Variants in TENM2 observed in about 807,000 individuals in gnomAD.
The protein encoded by TENM2 is teneurin-2.
A neutral mutation model predicts 245.2 loss-of-function variants in TENM2; 52 were observed. The ratio of observed to expected loss-of-function variants is 0.21; its 90% CI spans 0.17 to 0.27. TENM2 has a LOEUF of 0.27. TENM2 is among the 10% of genes least tolerant of loss of function. The pLI is 1.00. For missense variants in TENM2, 3,046 were observed against 3,666.8 expected (o/e 0.83, Z 4.37); for synonymous variants, 1,363 against 1,438.9 (o/e 0.95, Z 1.19).
intron 9 of TENM2, among the ~76,000 whole-genome samples, chr5:168,108,329 T>C (rs1480772170): frequency 6.6e-6 from 1 of 152,244 alleles, no homozygotes; most frequent in Non-Finnish European, 1.5e-5. Context: ...GCTGTAGAGT[T>C]TGAATTTGCT....
At chr5:167,479,100 A>G (rs558717381) in intron 2 of TENM2, among the ~76,000 whole-genome samples, 27 of 152,284 alleles carry the variant, frequency 1.8e-4, no homozygotes, top group African/African-American at 6.0e-4. Flanking sequence ...ATAAGCAGAA[A>G]CAAACTTTGT....
intron 1 of TENM2, among the ~76,000 whole-genome samples, chr5:167,361,873 A>T (rs1177224018): frequency 1.3e-5 from 2 of 152,212 alleles, no homozygotes; most frequent in African/African-American, 4.8e-5. Flanking sequence ...ATTTTAGTGG[A>T]GAATTAGTCT....
intron 2 of TENM2, among the ~76,000 whole-genome samples, chr5:167,384,954 G>A (rs572387121): frequency 3.1e-4 from 47 of 152,296 alleles, no homozygotes; most frequent in African/African-American, 1.1e-3. Context: ...GAAAATGGGA[G>A]GAGGTACATA....
intron 3 of TENM2, among the ~76,000 whole-genome samples, chr5:167,937,173 A>G (rs946857184): frequency 1.3e-5 from 2 of 152,208 alleles, no homozygotes; most frequent in African/African-American, 4.8e-5. Context: ...CAACAATACA[A>G]TACTTTGTTA....
intron 2 of TENM2, among the ~76,000 whole-genome samples, chr5:167,541,084 T>C (rs1772179058): frequency 6.6e-6 from 1 of 152,200 alleles, no homozygotes; most frequent in South Asian, 2.1e-4. Context: ...TAAACTAAAA[T>C]GATCTCACTA....
intron 2 of TENM2, among the ~76,000 whole-genome samples, chr5:167,468,191 C>T (rs1031836036): frequency 3.9e-5 from 6 of 152,204 alleles, no homozygotes; most frequent in African/African-American, 1.4e-4. Flanking sequence ...CCTTCCTCGA[C>T]CTCCCAGAGT....
intron 2 of TENM2, among the ~76,000 whole-genome samples, chr5:167,723,456 C>G (rs1759775436): frequency 6.6e-6 from 1 of 152,174 alleles, no homozygotes. Flanking sequence ...TCAGCAAAAC[C>G]GCCAGAGGGC....
chr5:167,407,392 C>A (rs13355678), intron 2 of TENM2, among the ~76,000 whole-genome samples: 99,826 of 152,060 alleles, frequency 0.66, 33,468 homozygotes, highest in Admixed American at 0.73. Context: ...GGTTGTTGCT[C>A]TCTTGGAATT....
Position 168,244,476 on chromosome 5 carries a change from G to A in TENM2, c.5577G>A (p.Lys1859=). Residue 1859 remains lysine (K), a synonymous_variant, in exon 26 of 29, where the codon AAG becomes AAA. Coordinates refer to ENST00000518659, the Ensembl canonical transcript of TENM2. The surrounding 1 kb of genome is among the most constrained non-coding windows in gnomAD (Gnocchi z 4.9). ...ATGATCGAAATATTCGGACTGAAAA[G>A]ATCTATGATGACCACCGGAAGTTCA... 1 of 1,601,784 alleles carries A rather than the reference G, an allele frequency of 6.2e-7. No homozygotes were observed. Among genetic ancestry groups the A allele is most frequent in the East Asian group, 2.3e-5 (1 of 44,428 alleles).
chr5:166,979,418 C>T, the TENM2 span, among the ~76,000 whole-genome samples: 1 of 152,018 alleles, frequency 6.6e-6, no homozygotes, highest in Non-Finnish European at 1.5e-5. Flanking sequence ...GTGTTGCCCC[C>T]TCGAAGTGAA....
At chr5:167,818,651 C>T (rs1561815705) in intron 2 of TENM2, among the ~76,000 whole-genome samples, 1 of 152,094 alleles carries the variant, frequency 6.6e-6, no homozygotes, top group Admixed American at 6.6e-5. Flanking sequence ...GTGAGGGTGT[C>T]CCAAGGGATC....
chr5:167,470,641 A>G (rs1766966857), intron 2 of TENM2, among the ~76,000 whole-genome samples: 1 of 151,876 alleles, frequency 6.6e-6, no homozygotes, highest in African/African-American at 2.4e-5. Context: ...GGTCTGTTCC[A>G]TGGAGGTGGA....
chr5:168,190,639 A>C, intron 14 of TENM2, 92 bp downstream of exon 16: 8 of 1,173,640 alleles, frequency 6.8e-6, no homozygotes, highest in Non-Finnish European at 8.5e-6. Flanking sequence ...CGGGGACCCA[A>C]TTGGCCTGGA....
At chr5:168,186,717 T>C (rs1324731102) in intron 13 of TENM2, 1 of 152,192 alleles carries the variant, frequency 6.6e-6, no homozygotes, top group African/African-American at 2.4e-5. Flanking sequence ...TCCATTGTCA[T>C]AGGAGGGCCA....
intron 23 of TENM2, among the ~76,000 whole-genome samples, chr5:168,221,694 A>T (rs1562298486): frequency 6.6e-6 from 1 of 152,190 alleles, no homozygotes; most frequent in Non-Finnish European, 1.5e-5. Flanking sequence ...CCGTGGAATT[A>T]AGATTTCCCC....
At chr5:167,217,021 A>C in the TENM2 span, among the ~76,000 whole-genome samples, 1 of 152,162 alleles carries the variant, frequency 6.6e-6, no homozygotes, top group Admixed American at 6.5e-5. Flanking sequence ...TGAATATTAC[A>C]TTTTCTAATA....
intron 2 of TENM2, among the ~76,000 whole-genome samples, chr5:167,600,640 A>G (rs1486703763): frequency 6.6e-6 from 1 of 152,216 alleles, no homozygotes; most frequent in Non-Finnish European, 1.5e-5. Context: ...AAATGAAAAC[A>G]ACTCTTTCTC....
intron 2 of TENM2, among the ~76,000 whole-genome samples, chr5:167,541,252 G>A (rs559183950): frequency 2.0e-5 from 3 of 152,060 alleles, no homozygotes; most frequent in African/African-American, 2.4e-5. Flanking sequence ...TTTTTCACTC[G>A]TAAAAATCTC....
chr5:168,258,357 C>T (rs561198018), intron 27 of TENM2, among the ~76,000 whole-genome samples: 30 of 152,034 alleles, frequency 2.0e-4, no homozygotes, highest in African/African-American at 5.1e-4. Flanking sequence ...AAAAATTAGC[C>T]GGGTGTGGTG....
Sources: gnomAD v4.1 joint callset for allele counts (sites outside exome capture counted in the v4.1 genomes callset) on GRCh38, gnomAD v4.1.1 for gene constraint, Gnocchi (gnomAD v3.1) non-coding constraint, MANE v1.5 for transcripts, NCBI Gene and HGNC (gene_info 2026-07-23, HGNC 2026-07-21) for gene names.